The following LRBA variants were observed in gnomAD, a reference collection of about 807,000 sequenced individuals.
The protein encoded by LRBA is lipopolysaccharide-responsive and beige-like anchor protein.
LRBA carries 176 observed loss-of-function variants against 330.0 expected under a neutral mutation model. That is an observed-to-expected ratio of 0.53 (90% CI 0.47 to 0.60). The LOEUF is 0.60. LRBA is among the 20% of genes least tolerant of loss of function. LRBA has a pLI of 0.00. For synonymous variants in LRBA, 1,230 were observed against 1,193.0 expected (o/e 1.03, Z -0.64); for missense variants, 3,259 against 3,444.8 (o/e 0.95, Z 1.35).
intron 32 of LRBA, among the ~76,000 whole-genome samples, chr4:150,807,802 C>T (rs995174799): frequency 2.0e-5 from 3 of 152,028 alleles, no homozygotes; most frequent in Non-Finnish European, 4.4e-5. Context: ...TGCACCACCA[C>T]ACCTAGCTAA....
intron 44 of LRBA, among the ~76,000 whole-genome samples, chr4:150,449,710 C>T (rs1463765172): frequency 1.3e-5 from 2 of 152,026 alleles, no homozygotes; most frequent in East Asian, 3.9e-4. Context: ...CCTAACTAAG[C>T]TTATCTATTG....
At chr4:150,645,121 C>T (rs1271454851) in intron 37 of LRBA, among the ~76,000 whole-genome samples, 16 of 143,392 alleles carry the variant, frequency 1.1e-4, no homozygotes, top group Middle Eastern at 3.8e-3. Flanking sequence ...GTTTTTTTTT[C>T]TTGAGATCCT....
At chr4:150,397,997 A>G (rs1034400370) in intron 47 of LRBA, among the ~76,000 whole-genome samples, 3 of 152,232 alleles carry the variant, frequency 2.0e-5, no homozygotes, top group Non-Finnish European at 4.4e-5. Flanking sequence ...GTCTATTGAA[A>G]ATATGTTGCA....
chr4:150,656,228 G>T (rs1448500469), intron 37 of LRBA, among the ~76,000 whole-genome samples: 1 of 152,188 alleles, frequency 6.6e-6, no homozygotes, highest in Non-Finnish European at 1.5e-5. Context: ...AGGCTTCTCA[G>T]CCCCCAAGTG....
intron 56 of LRBA, among the ~76,000 whole-genome samples, chr4:150,270,921 A>G (rs1016227717): frequency 3.9e-5 from 6 of 152,222 alleles, no homozygotes; most frequent in East Asian, 1.9e-4. Flanking sequence ...CAGGCTGGCA[A>G]TCGCCGAATA....
At chr4:150,475,119 TAAAACCC>T (rs1272616173) in intron 42 of LRBA, among the ~76,000 whole-genome samples, 1 of 152,222 alleles carries the variant, frequency 6.6e-6, no homozygotes, top group Non-Finnish European at 1.5e-5. Context: ...ATTCCAGTGA[TAAAACCC>T]ACATGAACAT....
chr4:150,871,816 A>G (rs1217158947), intron 18 of LRBA, among the ~76,000 whole-genome samples: 1 of 152,224 alleles, frequency 6.6e-6, no homozygotes, highest in African/African-American at 2.4e-5. Flanking sequence ...AAAGCACAAT[A>G]AATACTTAAG....
At chr4:150,351,978 C>T (rs1737248625) in intron 47 of LRBA, among the ~76,000 whole-genome samples, 1 of 152,168 alleles carries the variant, frequency 6.6e-6, no homozygotes, top group Admixed American at 6.5e-5. Flanking sequence ...CTCAAAGTAT[C>T]TGATTGTACT....
chr4:150,363,603 G>C (rs1739026260), intron 47 of LRBA, among the ~76,000 whole-genome samples: 1 of 152,186 alleles, frequency 6.6e-6, no homozygotes, highest in African/African-American at 2.4e-5. Flanking sequence ...TGTATAACCA[G>C]TATGTAGTAG....
intron 37 of LRBA, among the ~76,000 whole-genome samples, chr4:150,624,615 C>A (rs1333427831): frequency 1.3e-5 from 2 of 151,988 alleles, no homozygotes; most frequent in African/African-American, 2.4e-5. Context: ...GAATTTTATA[C>A]TAATGTTTAT....
At chr4:150,417,256 T>C (rs961373664) in intron 46 of LRBA, among the ~76,000 whole-genome samples, 3 of 152,128 alleles carry the variant, frequency 2.0e-5, no homozygotes, top group Non-Finnish European at 4.4e-5. Flanking sequence ...GTTATATAAA[T>C]AATTGAAAAA....
At chr4:151,005,847 C>T (rs550572208) in intron 2 of LRBA, among the ~76,000 whole-genome samples, 2 of 151,980 alleles carry the variant, frequency 1.3e-5, no homozygotes, top group African/African-American at 2.4e-5. Flanking sequence ...CCACCCACCT[C>T]GGCCTCCCAA....
At chr4:150,270,561 T>A (rs1382084348) in intron 56 of LRBA, among the ~76,000 whole-genome samples, 1 of 152,108 alleles carries the variant, frequency 6.6e-6, no homozygotes, top group African/African-American at 2.4e-5. Flanking sequence ...AGAGCTTCTG[T>A]TTATGATGAA....
intron 44 of LRBA, among the ~76,000 whole-genome samples, chr4:150,461,856 A>G (rs1237811809): frequency 6.6e-6 from 1 of 151,768 alleles, no homozygotes; most frequent in African/African-American, 2.4e-5. Flanking sequence ...TAGAAGAAAC[A>G]TGATTGCCTC....
chr4:150,303,311 A>C (rs1729913997), intron 52 of LRBA, among the ~76,000 whole-genome samples: 1 of 152,172 alleles, frequency 6.6e-6, no homozygotes, highest in Admixed American at 6.5e-5. Context: ...CACTTTGGAG[A>C]GCTTCTACCT....
chr4:150,988,460 T>C (rs181553647), intron 2 of LRBA, among the ~76,000 whole-genome samples: 70 of 152,282 alleles, frequency 4.6e-4, no homozygotes, highest in Admixed American at 1.6e-3. Context: ...ATGATGTCAT[T>C]AGTTAAAATG....
chr4:150,322,918 C>T (rs1732715370), intron 49 of LRBA, among the ~76,000 whole-genome samples: 1 of 151,882 alleles, frequency 6.6e-6, no homozygotes, highest in South Asian at 2.1e-4. Flanking sequence ...CTAATTACTA[C>T]ACCTGGTGTA....
At chr4:150,659,727 G>T (rs1780762843) in intron 37 of LRBA, among the ~76,000 whole-genome samples, 1 of 9,798 alleles carries the variant, frequency 1.0e-4, no homozygotes, top group African/African-American at 1.4e-4. Flanking sequence ...GGGAGGTGGG[G>T]GGGTCAGCCC....
intron 22 of LRBA, among the ~76,000 whole-genome samples, chr4:150,859,956 A>C (rs550730022): frequency 6.6e-6 from 1 of 152,220 alleles, no homozygotes; most frequent in South Asian, 2.1e-4. Flanking sequence ...TTTTGTTCCA[A>C]TAATTCCAGT....
Sources: gnomAD v4.1 joint callset for allele counts (sites outside exome capture counted in the v4.1 genomes callset) on GRCh38, gnomAD v4.1.1 for gene constraint, MANE v1.5 for transcripts, NCBI Gene and HGNC (gene_info 2026-07-23, HGNC 2026-07-21) for gene names.